NAV3: variants seen among roughly 807,000 people sequenced by gnomAD.
The protein encoded by NAV3 is neuron navigator 3.
NAV3 carries 87 observed loss-of-function variants against 244.7 expected under a neutral mutation model. That is an observed-to-expected ratio of 0.36 (90% CI 0.30 to 0.42). The LOEUF is 0.42. Ranked by LOEUF, NAV3 falls within the 20% of genes least tolerant of loss-of-function variation. The pLI is 1.00. For missense variants in NAV3, 2,663 were observed against 2,893.3 expected, an observed-to-expected ratio of 0.92 and a Z score of 1.83; for synonymous variants, 1,126 against 1,042.2, an observed-to-expected ratio of 1.08 and a Z score of -1.55.
intron 1 of NAV3, among the ~76,000 whole-genome samples, chr12:77,857,960 G>A (rs1458869110): frequency 6.6e-6 from 1 of 151,964 alleles, no homozygotes; most frequent in Admixed American, 6.6e-5. Context: ...GGATAAGAAG[G>A]AAATTCATTT....
chr12:78,169,368 A>G (rs1001392584), intron 24 of NAV3, among the ~76,000 whole-genome samples: 16 of 151,816 alleles, frequency 1.1e-4, no homozygotes, highest in African/African-American at 3.9e-4. Flanking sequence ...AATAAAAACA[A>G]CGGGTGAAAG....
At chr12:77,930,318 A>T (rs532415239) in intron 1 of NAV3, among the ~76,000 whole-genome samples, 1 of 152,264 alleles carries the variant, frequency 6.6e-6, no homozygotes, top group Non-Finnish European at 1.5e-5. Context: ...CTACCAGACT[A>T]ATACTAGCCT....
chr12:78,032,254 G>A (rs1203590787), intron 9 of NAV3, among the ~76,000 whole-genome samples: 1 of 152,194 alleles, frequency 6.6e-6, no homozygotes, highest in East Asian at 1.9e-4. Flanking sequence ...TTGCAATGCA[G>A]ATGTGTTAGA....
chr12:77,782,614 G>A (rs942667127), intron 2 of NAV3, among the ~76,000 whole-genome samples: 1 of 150,044 alleles, frequency 6.7e-6, no homozygotes, highest in Non-Finnish European at 1.5e-5. Flanking sequence ...ACTTTGCACA[G>A]AGGCACATAG....
Position 78,188,682 on chromosome 12 carries a change from GA to G in NAV3, c.5961del (p.Asp1988ThrfsTer2). ...SSDCIASYCI[G>X]DLIRSHNLEV... Reference sequence around the variant, plus strand: ...GACTGCATTGCTAGCTACTGTATAGGAGACTTAATTAGATCCCATAACCTAG... The same window carrying G: ...GACTGCATTGCTAGCTACTGTATAGGGACTTAATTAGATCCCATAACCTAG... On this transcript the variant is annotated frameshift_variant, in exon 33 of 40. Coordinates refer to ENST00000397909, the MANE Select transcript of NAV3 (RefSeq NM_001024383.2). LOFTEE classifies it high-confidence loss of function. 2 of 1,612,276 alleles carry G rather than the reference GA, an allele frequency of 1.2e-6. No individual in the cohort carries two copies. Among genetic ancestry groups the G allele is most frequent in the Non-Finnish European group, 1.7e-6 (2 of 1,179,020 alleles).
rs1029187139 is a variant in NAV3, at chr12:77,573,096, G to A, written c.72+830G>A. On this transcript the variant is annotated intron_variant, in intron 2 of 8. Transcript: ENST00000550042. ...GATAGGTGTGTGGGGACCCAGTAGC[G>A]ATGGTGCTGGCAAGAAATGGGAGAA... Among the ~76,000 whole-genome samples the A allele has an allele frequency of 2.2e-4, 34 of 152,294 alleles. 1 individual carries two copies. Among genetic ancestry groups the A allele is most frequent in the African/African-American group, 1.4e-4 (6 of 41,570 alleles).
At chr12:78,196,561 T>C (rs1442142192) in intron 34 of NAV3, among the ~76,000 whole-genome samples, 1 of 151,986 alleles carries the variant, frequency 6.6e-6, no homozygotes, top group Non-Finnish European at 1.5e-5. Flanking sequence ...GTGAGAGCAG[T>C]CAATCAGCAA....
chr12:78,107,726 T>C (rs1367568863), intron 12 of NAV3, among the ~76,000 whole-genome samples: 1 of 152,102 alleles, frequency 6.6e-6, no homozygotes, highest in African/African-American at 2.4e-5. Context: ...ACTACTAGAC[T>C]GGACCTACAA....
chr12:77,786,899 T>C (rs2097026835), intron 2 of NAV3, among the ~76,000 whole-genome samples: 1 of 152,138 alleles, frequency 6.6e-6, no homozygotes, highest in African/African-American at 2.4e-5. Flanking sequence ...CTGTCATGCC[T>C]TTCCTCTGCT....
At position 78,146,406 on chromosome 12, in the gene NAV3, A is replaced by T; in HGVS notation, c.4707+14A>T. ...GCTCATTCAGAGGTAAAAAAAAAAT[A>T]TGCAATATTTTAATATTTTCTATTT... On this transcript the variant is annotated intron_variant, in intron 21 of 39. Transcript: ENST00000397909. 1 of 1,038,188 alleles carries T rather than the reference A, an allele frequency of 9.6e-7. No individual in the cohort carries two copies. Among genetic ancestry groups the T allele is most frequent in the Non-Finnish European group, 1.3e-6 (1 of 741,274 alleles). The allele number at this position is 1,038,188 out of a possible 1,614,324, so 64.3% of individuals were successfully genotyped here.
At chr12:78,070,117 A>C (rs530472803) in intron 12 of NAV3, among the ~76,000 whole-genome samples, 238 of 152,262 alleles carry the variant, frequency 1.6e-3, no homozygotes, top group Non-Finnish European at 2.9e-3. Context: ...CTAACGTCAG[A>C]CACGTTGGAC....
intron 2 of NAV3, 24 bp downstream of exon 2, chr12:77,940,460 A>C: frequency 6.4e-7 from 1 of 1,572,664 alleles, no homozygotes; most frequent in Non-Finnish European, 8.7e-7. Flanking sequence ...TCTGAAAGAA[A>C]GCATGAAAGT....
At chr12:78,073,268 G>A (rs1456384528) in intron 12 of NAV3, among the ~76,000 whole-genome samples, 4 of 134,720 alleles carry the variant, frequency 3.0e-5, no homozygotes, top group African/African-American at 8.3e-5. Flanking sequence ...CAGACGACAT[G>A]ATTGTATATC....
intron 2 of NAV3, among the ~76,000 whole-genome samples, chr12:77,689,475 A>T (rs1874907180): frequency 1.3e-5 from 2 of 151,970 alleles, no homozygotes; most frequent in Non-Finnish European, 2.9e-5. Flanking sequence ...AAATTTCTCT[A>T]GGCAGTGGCT....
At chr12:77,835,891 C>T (rs995395506) in intron 1 of NAV3, among the ~76,000 whole-genome samples, 2 of 152,214 alleles carry the variant, frequency 1.3e-5, no homozygotes, top group African/African-American at 4.8e-5. Context: ...TCCCAGATGT[C>T]TTCTTCCTGG....
At chr12:77,748,683 A>G (rs561692170) in intron 2 of NAV3, among the ~76,000 whole-genome samples, 2 of 152,290 alleles carry the variant, frequency 1.3e-5, no homozygotes, top group East Asian at 1.9e-4. Context: ...GGGGTCTACA[A>G]GAGTCCAACT....
At chr12:77,881,383 T>C (rs1412199183) in intron 1 of NAV3, among the ~76,000 whole-genome samples, 1 of 152,146 alleles carries the variant, frequency 6.6e-6, no homozygotes, top group Non-Finnish European at 1.5e-5. Context: ...CCTTGAACTG[T>C]ATATCAGGAT....
chr12:77,709,421 C>T (rs1346231404), intron 2 of NAV3, among the ~76,000 whole-genome samples: 1 of 152,154 alleles, frequency 6.6e-6, no homozygotes, highest in Non-Finnish European at 1.5e-5. Context: ...CTCACCACTC[C>T]TATTCAACAT....
chr12:77,662,909 T>C (rs1873531231), intron 2 of NAV3, among the ~76,000 whole-genome samples: 1 of 152,154 alleles, frequency 6.6e-6, no homozygotes, highest in Non-Finnish European at 1.5e-5. Flanking sequence ...GATGAGTATT[T>C]AAGTGAGTAT....
Sources: gnomAD v4.1 joint callset for allele counts (sites outside exome capture counted in the v4.1 genomes callset) on GRCh38, gnomAD v4.1.1 for gene constraint, MANE v1.5 for transcripts, NCBI Gene and HGNC (gene_info 2026-07-23, HGNC 2026-07-21) for gene names.